The following GABRB1 variants were observed in gnomAD, a reference collection of about 807,000 sequenced individuals.
GABRB1 encodes gamma-aminobutyric acid type A receptor subunit beta1, also known as gamma-aminobutyric acid receptor subunit beta-1.
In GABRB1, 17 loss-of-function variants were observed where a neutral mutation model predicts 51.6. The ratio of observed to expected loss-of-function variants is 0.33; its 90% CI spans 0.23 to 0.49. The LOEUF (loss-of-function observed/expected upper bound fraction) is 0.49, where lower values mean the gene tolerates loss of function less well. Ranked by LOEUF, GABRB1 falls within the 20% of genes least tolerant of loss-of-function variation. The probability of loss-of-function intolerance (pLI) is 0.99; values close to 1 mark genes in which losing one functional copy is unlikely to be tolerated. For missense variants in GABRB1, 410 were observed against 600.6 expected (o/e 0.68, Z 3.32); for synonymous variants, 247 against 218.9 (o/e 1.13, Z -1.14).
intron 4 of GABRB1, among the ~76,000 whole-genome samples, chr4:47,264,575 G>T (rs1406853569): frequency 6.6e-6 from 1 of 152,154 alleles, no homozygotes; most frequent in Non-Finnish European, 1.5e-5. Context: ...TAACTCAAAG[G>T]TCAAGTCTCA....
intron 3 of GABRB1, among the ~76,000 whole-genome samples, chr4:47,086,963 G>T (rs1197436320): frequency 6.6e-6 from 1 of 152,186 alleles, no homozygotes; most frequent in Non-Finnish European, 1.5e-5. Context: ...ACAGTGTGGA[G>T]AACCATGCTG....
intron 4 of GABRB1, among the ~76,000 whole-genome samples, chr4:47,193,421 A>G (rs897495391): frequency 2.0e-5 from 3 of 152,224 alleles, no homozygotes; most frequent in African/African-American, 7.2e-5. Context: ...CACCCGGCCC[A>G]TATGTGGTAT....
chr4:47,174,809 T>C (rs1362694228), intron 4 of GABRB1, among the ~76,000 whole-genome samples: 1 of 152,098 alleles, frequency 6.6e-6, no homozygotes, highest in Non-Finnish European at 1.5e-5. Context: ...GTTTGACATA[T>C]TCAGTTGTCA....
At chr4:47,301,030 C>A (rs1724239344) in intron 4 of GABRB1, among the ~76,000 whole-genome samples, 1 of 151,870 alleles carries the variant, frequency 6.6e-6, no homozygotes, top group Non-Finnish European at 1.5e-5. Context: ...TTGCTGTCAC[C>A]AATGTAGAAT....
intron 4 of GABRB1, among the ~76,000 whole-genome samples, chr4:47,255,614 G>T (rs575582362): frequency 3.9e-5 from 6 of 152,214 alleles, no homozygotes; most frequent in Non-Finnish European, 2.9e-5. Flanking sequence ...TGCCAGAAGG[G>T]TGATGATCGT....
At chr4:47,414,395 G>C (rs998843583) in intron 8 of GABRB1, among the ~76,000 whole-genome samples, 1 of 152,206 alleles carries the variant, frequency 6.6e-6, no homozygotes, top group East Asian at 1.9e-4. Context: ...TTGAAGCAGG[G>C]AAAGGTCTTC....
At chr4:47,021,722 T>C (rs1312862366) in intron 1 of GABRB1, among the ~76,000 whole-genome samples, 2 of 152,148 alleles carry the variant, frequency 1.3e-5, no homozygotes, top group African/African-American at 4.8e-5. Flanking sequence ...GTTGATAATA[T>C]TGAGTTTTGA....
intron 5 of GABRB1, among the ~76,000 whole-genome samples, chr4:47,393,477 A>G (rs1395793582): frequency 6.6e-6 from 1 of 152,186 alleles, no homozygotes; most frequent in Non-Finnish European, 1.5e-5. Flanking sequence ...AGCTCTCCCT[A>G]CACTCAATCC....
chr4:47,078,077 C>A (rs1432106723), intron 3 of GABRB1, among the ~76,000 whole-genome samples: 1 of 148,244 alleles, frequency 6.7e-6, no homozygotes, highest in Non-Finnish European at 1.5e-5. Flanking sequence ...GCAACCTCTA[C>A]CTTCCGGGTT....
intron 3 of GABRB1, among the ~76,000 whole-genome samples, chr4:47,153,035 G>A (rs1015037138): frequency 1.3e-5 from 2 of 151,916 alleles, no homozygotes; most frequent in Non-Finnish European, 2.9e-5. Flanking sequence ...TTGAAGTGAC[G>A]GGAATTTCAC....
At chr4:47,044,459 C>A (rs1229345543) in intron 3 of GABRB1, among the ~76,000 whole-genome samples, 1 of 151,946 alleles carries the variant, frequency 6.6e-6, no homozygotes, top group African/African-American at 2.4e-5. Flanking sequence ...AATTTATACT[C>A]TCAAGTATAA....
intron 2 of GABRB1, 103 bp downstream of exon 2, chr4:47,032,108 A>G (rs1725333407): frequency 1.4e-6 from 1 of 710,548 alleles, no homozygotes; most frequent in Admixed American, 2.4e-5. Flanking sequence ...TCATTTTCGT[A>G]AGCGTGCACT....
chr4:47,211,500 TTAATA>T (rs1720357472), intron 4 of GABRB1, among the ~76,000 whole-genome samples: 1 of 152,126 alleles, frequency 6.6e-6, no homozygotes, highest in African/African-American at 2.4e-5. Context: ...TGAGGACAGT[TTAATA>T]TAACAACTAC....
At position 47,417,191 on chromosome 4, in the gene GABRB1, A is replaced by G. The variant is rs1295938855; in HGVS notation, c.1081-8483A>G. On this transcript the variant is annotated intron_variant, in intron 8 of 8. Transcript: ENST00000295454. ...TTACTTACAGTAACTGTAAATGCCA[A>G]TCACATCTACAAAATACCTTCTCAG... 3.3e-5 allele frequency among the ~76,000 whole-genome samples: 5 copies of G among 152,174 alleles called. No homozygotes were observed. The East Asian group carries it at 9.6e-4, about 29-fold the overall frequency.
At chr4:47,255,406 A>G (rs934647606) in intron 4 of GABRB1, among the ~76,000 whole-genome samples, 1 of 152,222 alleles carries the variant, frequency 6.6e-6, no homozygotes, top group East Asian at 1.9e-4. Flanking sequence ...AGTTATCACA[A>G]GAGTTAGGTT....
chr4:47,341,635 A>G (rs1345343333), intron 5 of GABRB1, among the ~76,000 whole-genome samples: 1 of 152,202 alleles, frequency 6.6e-6, no homozygotes, highest in Non-Finnish European at 1.5e-5. Context: ...AGCACTTGAT[A>G]TATGAGAAAT....
intron 5 of GABRB1, among the ~76,000 whole-genome samples, chr4:47,321,193 A>T (rs372300327): frequency 3.2e-4 from 49 of 152,358 alleles, no homozygotes; most frequent in South Asian, 8.3e-4. Context: ...ATGTAATGTT[A>T]GAAATTGACA....
intron 4 of GABRB1, among the ~76,000 whole-genome samples, chr4:47,176,874 C>T (rs1024914226): frequency 6.6e-6 from 1 of 152,064 alleles, no homozygotes; most frequent in African/African-American, 2.4e-5. Context: ...ATAATCATCA[C>T]AATGATTTCT....
intron 4 of GABRB1, among the ~76,000 whole-genome samples, chr4:47,291,161 T>C (rs929556283): frequency 1.3e-5 from 2 of 152,032 alleles, no homozygotes; most frequent in Non-Finnish European, 2.9e-5. Flanking sequence ...GTGCCCTGTG[T>C]CCCAGCCACT....
Sources: allele counts gnomAD v4.1 joint callset (sites outside exome capture counted in the v4.1 genomes callset), GRCh38; gene constraint gnomAD v4.1.1; transcripts MANE v1.5; gene names NCBI Gene and HGNC (gene_info 2026-07-23, HGNC 2026-07-21).